PDE3B: variants seen among roughly 807,000 people sequenced by gnomAD.
PDE3B encodes phosphodiesterase 3B.
A neutral mutation model predicts 116.8 loss-of-function variants in PDE3B; 66 were observed. That is an observed-to-expected ratio of 0.56 (90% confidence interval 0.46 to 0.69). PDE3B has a LOEUF of 0.69. Ranked by LOEUF, PDE3B falls within the 30% of genes least tolerant of loss-of-function variation. PDE3B has a pLI of 0.00. For synonymous variants in PDE3B, 595 were observed against 533.6 expected (o/e 1.12, Z -1.59); for missense variants, 1,384 against 1,368.1 (o/e 1.01, Z -0.18).
intron 5 of PDE3B, among the ~76,000 whole-genome samples, chr11:14,805,564 C>T (rs544437367): frequency 7.9e-4 from 121 of 152,250 alleles, no homozygotes; most frequent in African/African-American, 2.7e-3. Flanking sequence ...CAGTTTTTGT[C>T]AATTGTACCT....
chr11:14,747,578 T>C (rs1856945592), intron 1 of PDE3B, among the ~76,000 whole-genome samples: 1 of 152,112 alleles, frequency 6.6e-6, no homozygotes, highest in Non-Finnish European at 1.5e-5. Context: ...GGGAAGTGTA[T>C]AGTTTTCATT....
chr11:14,648,428 A>G (rs1853473972), intron 1 of PDE3B, among the ~76,000 whole-genome samples: 1 of 152,118 alleles, frequency 6.6e-6, no homozygotes, highest in Non-Finnish European at 1.5e-5. Flanking sequence ...TACTCACCTA[A>G]GGAATTTGCA....
At chr11:14,786,729 G>C (rs371847805) in intron 3 of PDE3B, 44 bp downstream of exon 3, 13 of 1,480,640 alleles carry the variant, frequency 8.8e-6, no homozygotes, top group Admixed American at 1.8e-5. Context: ...CAAATTTAAT[G>C]ATATTTTCAA....
intron 1 of PDE3B, among the ~76,000 whole-genome samples, chr11:14,723,320 A>G (rs1856179099): frequency 6.6e-6 from 1 of 152,212 alleles, no homozygotes; most frequent in African/African-American, 2.4e-5. Flanking sequence ...CTGGAGATAT[A>G]GTGGTGAGCA....
intron 1 of PDE3B, among the ~76,000 whole-genome samples, chr11:14,735,140 G>A (rs1189983893): frequency 3.3e-5 from 5 of 152,004 alleles, no homozygotes; most frequent in Admixed American, 2.0e-4. Context: ...AATGTATATC[G>A]ATCATAATGC....
chr11:14,892,031 A>T, the PDE3B span: 2 of 1,613,206 alleles, frequency 1.2e-6, no homozygotes, highest in Non-Finnish European at 1.7e-6. Context: ...GGAAGCTCGG[A>T]TGAGGCTGCC....
At position 14,765,509 on chromosome 11, in the gene PDE3B, C is replaced by T. The variant is rs555357765; in HGVS notation, c.979-6428C>T. Among the ~76,000 whole-genome samples the T allele has an allele frequency of 2.0e-4, 30 of 151,896 alleles. No individual in the cohort carries two copies. In the South Asian group the frequency reaches 6.0e-3, roughly 30 times the overall value. On this transcript the variant is annotated intron_variant, in intron 1 of 15. Transcript: ENST00000282096. ...GAAAAAATGAATGTAAATAAAGGTG[C>T]AGTCTTGGGTACACCTAGATCAACT...
chr11:14,899,049 G>T, the PDE3B span, among the ~76,000 whole-genome samples: 1 of 152,028 alleles, frequency 6.6e-6, no homozygotes, highest in Non-Finnish European at 1.5e-5. Context: ...GATGTCAGAG[G>T]GCCCAAAACT....
chr11:14,781,087 A>G (rs1273162426), intron 2 of PDE3B, among the ~76,000 whole-genome samples: 1 of 152,204 alleles, frequency 6.6e-6, no homozygotes, highest in African/African-American at 2.4e-5. Flanking sequence ...ATTCCTCGAC[A>G]CATACACCCT....
chr11:14,682,997 G>A (rs535557377), intron 1 of PDE3B, among the ~76,000 whole-genome samples: 2 of 151,696 alleles, frequency 1.3e-5, no homozygotes, highest in Admixed American at 1.3e-4. Flanking sequence ...GAGTGCAATG[G>A]CATGATCTCA....
the PDE3B span, chr11:14,891,673 G>T: frequency 8.6e-7 from 1 of 1,164,832 alleles, no homozygotes; most frequent in East Asian, 5.5e-5. Context: ...GGCGCGGCTG[G>T]CGAGCCAAAC....
At chr11:14,739,230 C>T (rs1483615984) in intron 1 of PDE3B, among the ~76,000 whole-genome samples, 1 of 152,166 alleles carries the variant, frequency 6.6e-6, no homozygotes, top group East Asian at 1.9e-4. Context: ...TCTTCCTAAC[C>T]ATGAGCGTGG....
intron 7 of PDE3B, among the ~76,000 whole-genome samples, chr11:14,822,698 T>A (rs140826367): frequency 6.6e-6 from 1 of 152,310 alleles, no homozygotes; most frequent in East Asian, 1.9e-4. Flanking sequence ...CCAGGAGCTA[T>A]AGATACTTGG....
At chr11:14,729,867 G>T (rs1371714482) in intron 1 of PDE3B, among the ~76,000 whole-genome samples, 1 of 152,056 alleles carries the variant, frequency 6.6e-6, no homozygotes, top group Non-Finnish European at 1.5e-5. Flanking sequence ...GTAAACTAGG[G>T]TTCATAGTTG....
rs995242899 is a variant in PDE3B at position 14,813,002 on chromosome 11, C to T, written c.1523-5181C>T. The stretch of plus-strand genomic sequence containing the variant: ...TAATCCCTTCCGCCATGTGAGGACA[C>T]GAGAAGATGGCCGTCAGTGAACCAG... On this transcript the variant is annotated intron_variant, in intron 5 of 15. Coordinates refer to ENST00000282096, the MANE Select transcript of PDE3B (RefSeq NM_000922.4). Among the ~76,000 whole-genome samples, 6 of 152,242 alleles carry T rather than the reference C, an allele frequency of 3.9e-5. 1 individual carries two copies. In the Middle Eastern group the frequency reaches 0.01, roughly 259 times the overall value.
chr11:14,690,465 A>G (rs983935767), intron 1 of PDE3B, among the ~76,000 whole-genome samples: 12 of 152,160 alleles, frequency 7.9e-5, no homozygotes, highest in African/African-American at 2.9e-4. Flanking sequence ...AAATATGTAG[A>G]AGTATACTAG....
chr11:14,730,427 C>T (rs1485173194), intron 1 of PDE3B, among the ~76,000 whole-genome samples: 1 of 152,138 alleles, frequency 6.6e-6, no homozygotes, highest in Non-Finnish European at 1.5e-5. Context: ...ACTACATTTC[C>T]TTGTGATAGC....
At chr11:14,814,389 T>C (rs1378215094) in intron 5 of PDE3B, among the ~76,000 whole-genome samples, 1 of 152,122 alleles carries the variant, frequency 6.6e-6, no homozygotes, top group African/African-American at 2.4e-5. Context: ...AGTAATAGAA[T>C]TAATAAGTAA....
At chr11:14,855,540 A>G (rs533398180) in intron 12 of PDE3B, among the ~76,000 whole-genome samples, 77 of 152,292 alleles carry the variant, frequency 5.1e-4, no homozygotes, top group African/African-American at 1.8e-3. Context: ...GATAGGCACT[A>G]TTTAGGCATT....
Sources: allele counts gnomAD v4.1 joint callset (sites outside exome capture counted in the v4.1 genomes callset), GRCh38; gene constraint gnomAD v4.1.1; transcripts MANE v1.5; gene names NCBI Gene and HGNC (gene_info 2026-07-23, HGNC 2026-07-21).